Variants in EXOC2 observed in about 807,000 individuals in gnomAD.
EXOC2 encodes the protein SEC5-like 1.
A neutral mutation model predicts 131.8 loss-of-function variants in EXOC2; 70 were observed. The ratio of observed to expected loss-of-function variants is 0.53; its 90% confidence interval spans 0.44 to 0.65. The LOEUF is 0.65. EXOC2 is among the 30% of genes least tolerant of loss of function. The probability of loss-of-function intolerance (pLI) is 0.00; values close to 1 mark genes in which losing one functional copy is unlikely to be tolerated. For synonymous variants in EXOC2, 411 were observed against 398.4 expected (o/e 1.03, Z -0.38); for missense variants, 923 against 1,108.6 (o/e 0.83, Z 2.38).
intron 23 of EXOC2, among the ~76,000 whole-genome samples, chr6:507,332 CCCCCACACACACCACAGCAGTGA>C (rs1764619761): frequency 3.7e-5 from 2 of 54,150 alleles, no homozygotes; most frequent in African/African-American, 9.9e-5. Context: ...GAAGTGACCC[CCCCCACACACACCACAGCAGTGA>C]CCCCACACAC....
chr6:675,626 C>T (rs1181482809), intron 1 of EXOC2, among the ~76,000 whole-genome samples: 1 of 35,480 alleles, frequency 2.8e-5, no homozygotes, highest in Non-Finnish European at 7.6e-5. Context: ...TTCAGCATTA[C>T]AGAAAGGACA....
At chr6:554,436 T>C (rs1757311915) in intron 20 of EXOC2, among the ~76,000 whole-genome samples, 1 of 152,168 alleles carries the variant, frequency 6.6e-6, no homozygotes, top group African/African-American at 2.4e-5. Context: ...ATTTAATCCA[T>C]AATATGAGGG....
At chr6:621,647 C>A (rs1690972335) in intron 4 of EXOC2, among the ~76,000 whole-genome samples, 1 of 152,102 alleles carries the variant, frequency 6.6e-6, no homozygotes, top group South Asian at 2.1e-4. Context: ...GCACCACTTC[C>A]ACCGAGACTG....
At chr6:673,610 C>T (rs567930381) in intron 1 of EXOC2, among the ~76,000 whole-genome samples, 1 of 152,114 alleles carries the variant, frequency 6.6e-6, no homozygotes, top group Non-Finnish European at 1.5e-5. Flanking sequence ...GCACCAAGGC[C>T]TCATTTACTA....
At chr6:613,440 A>G (rs1760817173) in intron 6 of EXOC2, among the ~76,000 whole-genome samples, 1 of 151,716 alleles carries the variant, frequency 6.6e-6, no homozygotes, top group Non-Finnish European at 1.5e-5. Flanking sequence ...AGATGATGTA[A>G]AAAAAAGAAA....
chr6:497,449 G>A lies in EXOC2; in HGVS notation c.2477C>T (p.Ser826Phe), dbSNP rs763533722. ...TTCAGAAACTGCTTCTATCACCTTG[G>A]ATAGTACCCGAGGGACCAGTTCTTT... ...ISKELVPRVL[S>F]KVIEAVSEEL... The change falls in exon 25 of 28, where the codon TCC (serine) becomes TTC (phenylalanine). Residue 826 changes from serine to phenylalanine, a missense_variant. By Grantham distance (155) the Ser-to-Phe change is radical. Coordinates refer to ENST00000230449, the MANE Select transcript of EXOC2 (RefSeq NM_018303.6). The A allele has an allele frequency of 1.9e-6, 3 of 1,613,954 alleles. No homozygotes were observed. Among genetic ancestry groups the A allele is most frequent in the East Asian group, 2.2e-5 (1 of 44,836 alleles).
chr6:637,620 G>A (rs1194144066), intron 2 of EXOC2, 81 bp downstream of exon 2: 2 of 1,092,304 alleles, frequency 1.8e-6, no homozygotes, highest in East Asian at 2.5e-5. Flanking sequence ...CACCTTCACT[G>A]TTTGAAAATT....
At chr6:626,777 G>A (rs1761594502) in intron 4 of EXOC2, among the ~76,000 whole-genome samples, 1 of 151,754 alleles carries the variant, frequency 6.6e-6, no homozygotes, top group Non-Finnish European at 1.5e-5. Flanking sequence ...ATTTTTAGTA[G>A]AGACGGGGTT....
intron 10 of EXOC2, among the ~76,000 whole-genome samples, chr6:594,768 T>G (rs567976697): frequency 2.0e-5 from 3 of 152,372 alleles, no homozygotes; most frequent in African/African-American, 7.2e-5. Context: ...TTAGAAATTC[T>G]AGACTCAGTT....
Position 610,115 on chromosome 6 carries a change from A to G in EXOC2, c.725T>C (p.Leu242Pro). ...EKVEGSMTQK[L>P]ENVLNRASNT... is the part of the protein sequence containing the mutation. ...AAACTTACTGTTCAGAACATTCTCC[A>G]GTTTCTGCGTCATGGATCCTTCTAC... The change falls in exon 7 of 28, where the codon CTG becomes CCG. Residue 242 changes from leucine to proline, a missense_variant. Physicochemically the swap from Leu to Pro is moderately conservative, Grantham distance 98. Coordinates refer to ENST00000230449, the MANE Select transcript of EXOC2 (RefSeq NM_018303.6). 6.2e-7 allele frequency: 1 copy of G among 1,614,014 alleles called. No individual in the cohort carries two copies. Among genetic ancestry groups the G allele is most frequent in the Non-Finnish European group, 8.5e-7 (1 of 1,179,972 alleles).
At chr6:588,320 TA>T (rs756791378) in intron 11 of EXOC2, among the ~76,000 whole-genome samples, 15 of 152,236 alleles carry the variant, frequency 9.9e-5, no homozygotes, top group Non-Finnish European at 1.9e-4. Context: ...ATTAAAACTG[TA>T]AAGTTCAAAG....
In EXOC2 at chr6:549,127, T is replaced by A. The variant is rs1348097707; in HGVS notation, c.2238+48A>T. ...ACAGGCTAGGAAACAGCTTGAAAACTGAGCTGGTAAAACCACCGACTTGTG... is the reference window on the plus strand; with the variant it reads ...ACAGGCTAGGAAACAGCTTGAAAACAGAGCTGGTAAAACCACCGACTTGTG... On this transcript the variant is annotated intron_variant, in intron 22 of 27. Coordinates refer to ENST00000230449, the MANE Select transcript of EXOC2 (RefSeq NM_018303.6). 13 of 1,494,168 alleles carry A rather than the reference T, an allele frequency of 8.7e-6. No individual in the cohort carries two copies. The East Asian group carries it at 2.9e-4, about 34-fold the overall frequency. The allele number at this position is 1,494,168 out of a possible 1,614,324, so 92.6% of individuals were successfully genotyped here.
intron 1 of EXOC2, among the ~76,000 whole-genome samples, chr6:667,546 G>C (rs6906243): frequency 0.083 from 7,995 of 96,800 alleles, 2,658 homozygotes; most frequent in African/African-American, 0.13. Context: ...CTTGATCAAA[G>C]AAAAAGGCAG....
intron 21 of EXOC2, among the ~76,000 whole-genome samples, chr6:553,244 T>C (rs1757240596): frequency 6.6e-6 from 1 of 152,150 alleles, no homozygotes; most frequent in Admixed American, 6.5e-5. Flanking sequence ...TTATGATAGC[T>C]AGAGTTTGAG....
At chr6:659,054 T>G (rs1000339009) in intron 1 of EXOC2, among the ~76,000 whole-genome samples, 3 of 152,140 alleles carry the variant, frequency 2.0e-5, no homozygotes, top group Admixed American at 6.5e-5. Context: ...TCTTAGGGAG[T>G]TCACATAATA....
chr6:498,115 C>A (rs1041507056), intron 24 of EXOC2, among the ~76,000 whole-genome samples: 4 of 152,176 alleles, frequency 2.6e-5, no homozygotes, highest in African/African-American at 4.8e-5. Flanking sequence ...ATCATATTTT[C>A]TTTTTAAGCT....
chr6:683,102 T>C (rs1009501214), intron 1 of EXOC2, among the ~76,000 whole-genome samples: 2 of 151,674 alleles, frequency 1.3e-5, no homozygotes, highest in Non-Finnish European at 2.9e-5. Context: ...GGGTGAAGAG[T>C]AGCAAATAAA....
chr6:546,506 T>G (rs1285038102), intron 22 of EXOC2, among the ~76,000 whole-genome samples: 1 of 152,192 alleles, frequency 6.6e-6, no homozygotes, highest in Non-Finnish European at 1.5e-5. Flanking sequence ...CAGGTGACCC[T>G]TGAACACCAC....
rs917309972 is a variant in EXOC2, at chr6:599,306, T to C, written c.743-81A>G. 27 of 1,260,608 alleles carry C rather than the reference T, an allele frequency of 2.1e-5. No individual in the cohort carries two copies. The African/African-American group carries it at 2.7e-4, about 13-fold the overall frequency. The allele number at this position is 1,260,608 out of a possible 1,614,324, so 78.1% of individuals were successfully genotyped here. On this transcript the variant is annotated intron_variant, in intron 7 of 27. Transcript: ENST00000230449. ...GTGTAACTGGGCACTAGAAACAAAA[T>C]GTTAATACTGCTATTGTAGTTTTAC...
Sources: allele counts gnomAD v4.1 joint callset (sites outside exome capture counted in the v4.1 genomes callset), GRCh38; gene constraint gnomAD v4.1.1; transcripts MANE v1.5; gene names NCBI Gene and HGNC (gene_info 2026-07-23, HGNC 2026-07-21).